Variants in PTPRT observed in about 807,000 individuals in gnomAD.
PTPRT encodes protein tyrosine phosphatase receptor type T, also known as receptor-type tyrosine-protein phosphatase T.
In PTPRT, 56 loss-of-function variants were observed where a neutral mutation model predicts 176.8. That is an observed-to-expected ratio of 0.32 (90% CI 0.26 to 0.40). The LOEUF is 0.40. PTPRT is among the 10% of genes least tolerant of loss of function. The pLI, the probability that PTPRT is intolerant of heterozygous loss-of-function variation, is 1.00. For missense variants in PTPRT, 1,540 were observed against 1,908.2 expected (o/e 0.81, Z 3.60); for synonymous variants, 783 against 739.0 (o/e 1.06, Z -0.96).
At chr20:42,349,642 T>C (rs1474613724) in intron 11 of PTPRT, among the ~76,000 whole-genome samples, 1 of 152,246 alleles carries the variant, frequency 6.6e-6, no homozygotes, top group Non-Finnish European at 1.5e-5. Context: ...TTTTTAGGCC[T>C]TGGGCCCCGC....
At chr20:42,043,727 C>T in the PTPRT span, among the ~76,000 whole-genome samples, 1 of 152,194 alleles carries the variant, frequency 6.6e-6, no homozygotes, top group Admixed American at 6.5e-5. Context: ...ACAGCATAAC[C>T]CAGCTTTATC....
At chr20:42,067,784 G>C (rs1022788392), downstream of PTPRT, among the ~76,000 whole-genome samples, 2 of 152,140 alleles carry the variant, frequency 1.3e-5, no homozygotes, top group African/African-American at 2.4e-5. Flanking sequence ...CCCTCTATGG[G>C]TGTTGGCAGA....
intron 2 of PTPRT, among the ~76,000 whole-genome samples, chr20:42,823,334 C>T (rs897766721): frequency 6.6e-6 from 1 of 152,012 alleles, no homozygotes; most frequent in Non-Finnish European, 1.5e-5. Flanking sequence ...GGGAGTTGAA[C>T]ACTGAGAATA....
intron 1 of PTPRT, among the ~76,000 whole-genome samples, chr20:42,911,905 G>A (rs1161953179): frequency 6.8e-6 from 1 of 147,614 alleles, no homozygotes; most frequent in East Asian, 2.0e-4. Context: ...TTTACTAAAT[G>A]TTCTTCTAAA....
the PTPRT span, among the ~76,000 whole-genome samples, chr20:42,060,431 A>C: frequency 3.9e-5 from 6 of 152,106 alleles, no homozygotes; most frequent in African/African-American, 1.4e-4. Context: ...TCACTCTCTG[A>C]TATGGTTTGG....
chr20:42,642,634 AC>A (rs2074785628), intron 7 of PTPRT, among the ~76,000 whole-genome samples: 1 of 152,172 alleles, frequency 6.6e-6, no homozygotes, highest in African/African-American at 2.4e-5. Context: ...TCAATGAGGT[AC>A]CCAGTGAGTG....
intron 2 of PTPRT, among the ~76,000 whole-genome samples, chr20:42,873,733 C>G (rs1285028842): frequency 3.9e-5 from 6 of 152,106 alleles, no homozygotes; most frequent in Non-Finnish European, 5.9e-5. Flanking sequence ...ACAGGACTAG[C>G]CACATTTCCA....
chr20:42,475,401 G>C (rs1378297123), intron 7 of PTPRT, among the ~76,000 whole-genome samples: 1 of 152,202 alleles, frequency 6.6e-6, no homozygotes, highest in East Asian at 1.9e-4. Context: ...GGCATCACTA[G>C]CTCTGTCCTA....
intron 7 of PTPRT, among the ~76,000 whole-genome samples, chr20:42,510,202 C>T (rs80354916): frequency 6.6e-6 from 1 of 151,984 alleles, no homozygotes; most frequent in Admixed American, 6.6e-5. Flanking sequence ...AAGTTCAGGG[C>T]CCCGTTGTGT....
At chr20:42,389,043 G>A (rs2058773070) in intron 9 of PTPRT, among the ~76,000 whole-genome samples, 3 of 150,198 alleles carry the variant, frequency 2.0e-5, no homozygotes, top group South Asian at 4.2e-4. Flanking sequence ...ACCAAACACT[G>A]CATGTTCTCA....
chr20:42,701,810 A>G (rs142184585), intron 6 of PTPRT, among the ~76,000 whole-genome samples: 2 of 152,204 alleles, frequency 1.3e-5, no homozygotes, highest in East Asian at 3.9e-4. Flanking sequence ...CCTCACACTA[A>G]GTAGCCTGCT....
chr20:42,602,813 G>A (rs909667834), intron 7 of PTPRT, among the ~76,000 whole-genome samples: 1 of 151,948 alleles, frequency 6.6e-6, no homozygotes, highest in Admixed American at 6.6e-5. Flanking sequence ...ACCCCTGGCT[G>A]TGCCAAATTA....
chr20:42,931,101 G>T lies in PTPRT; in HGVS notation c.89-45169C>A, dbSNP rs997444231. 2.6e-5 allele frequency among the ~76,000 whole-genome samples: 4 copies of T among 152,144 alleles called. No homozygotes were observed. In the South Asian group the frequency reaches 6.2e-4, roughly 24 times the overall value. The stretch of plus-strand genomic sequence containing the variant: ...CCAAGCTCTCAGAACAGGAGTGGGG[G>T]TAAGGAGTTAGACTTGGACAAGAGC... On this transcript the variant is annotated intron_variant, in intron 1 of 30. Coordinates refer to ENST00000373187, the MANE Select transcript of PTPRT (RefSeq NM_007050.6).
chr20:42,526,068 T>C (rs1164103112), intron 7 of PTPRT, among the ~76,000 whole-genome samples: 1 of 152,152 alleles, frequency 6.6e-6, no homozygotes, highest in African/African-American at 2.4e-5. Context: ...CACCAAATAA[T>C]TCTTTGTTTA....
intron 7 of PTPRT, among the ~76,000 whole-genome samples, chr20:42,651,196 A>G (rs1156645251): frequency 6.6e-6 from 1 of 152,174 alleles, no homozygotes; most frequent in African/African-American, 2.4e-5. Context: ...GCCTTTACAG[A>G]TGGAAAGTCT....
At chr20:42,858,485 T>A (rs989620375) in intron 2 of PTPRT, among the ~76,000 whole-genome samples, 1 of 152,176 alleles carries the variant, frequency 6.6e-6, no homozygotes, top group African/African-American at 2.4e-5. Context: ...GGTGATGGTA[T>A]TAAGCGATGA....
At chr20:42,318,603 A>G (rs2057754506) in intron 11 of PTPRT, among the ~76,000 whole-genome samples, 1 of 152,214 alleles carries the variant, frequency 6.6e-6, no homozygotes, top group African/African-American at 2.4e-5. Context: ...CAACCAAAGC[A>G]GTCCTCATAT....
At chr20:42,819,696 G>C (rs1444030189) in intron 2 of PTPRT, among the ~76,000 whole-genome samples, 1 of 151,494 alleles carries the variant, frequency 6.6e-6, no homozygotes, top group Non-Finnish European at 1.5e-5. Flanking sequence ...AAAATAATGA[G>C]ACGGAGGAAA....
intron 1 of PTPRT, chr20:42,969,723 A>C (rs1600606101): frequency 6.6e-6 from 1 of 152,180 alleles, no homozygotes; most frequent in Non-Finnish European, 1.5e-5. Context: ...ACATTGACTA[A>C]TAGTTTTTTC....
Sources: gnomAD v4.1 joint callset for allele counts (sites outside exome capture counted in the v4.1 genomes callset) on GRCh38, gnomAD v4.1.1 for gene constraint, MANE v1.5 for transcripts, NCBI Gene and HGNC (gene_info 2026-07-23, HGNC 2026-07-21) for gene names.